Variants in FBXO45 observed in about 807,000 individuals in gnomAD.
FBXO45 encodes the protein F-box/SPRY domain-containing protein 1.
FBXO45 carries 3 observed loss-of-function variants against 25.5 expected under a neutral mutation model. The ratio of observed to expected loss-of-function variants is 0.12; its 90% CI spans 0.05 to 0.30. The LOEUF (loss-of-function observed/expected upper bound fraction) is 0.30, where lower values mean the gene tolerates loss of function less well. FBXO45 is among the 10% of genes least tolerant of loss of function. The probability of loss-of-function intolerance (pLI) is 1.00; values close to 1 mark genes in which losing one functional copy is unlikely to be tolerated. For missense variants in FBXO45, 219 were observed against 365.0 expected (o/e 0.60, Z 3.26); for synonymous variants, 155 against 149.8 (o/e 1.03, Z -0.25).
chr3:196,580,830 A>G (rs1310817901), intron 2 of FBXO45, among the ~76,000 whole-genome samples: 1 of 101,230 alleles, frequency 9.9e-6, no homozygotes, highest in East Asian at 1.3e-3. Flanking sequence ...GGAGTGGTGC[A>G]GTGGTGCAGT....
At position 196,585,121 on chromosome 3, in the gene FBXO45, ATC is replaced by A. The variant is rs1269285956; in HGVS notation, c.*808_*809del. ...TTTTACTCTCAAAATCATAGTAAAG[ATC>A]TCTCAGTCTCCTGGCTAAAGATTGA... On this transcript the variant is annotated 3_prime_UTR_variant, in exon 3 of 3. Transcript: ENST00000311630. 1 of 152,196 alleles carries A rather than the reference ATC, an allele frequency of 6.6e-6. No individual in the cohort carries two copies. Among genetic ancestry groups the A allele is most frequent in the African/African-American group, 2.4e-5 (1 of 41,466 alleles). 9.4% of individuals were successfully genotyped at this position (152,196 alleles called of 1,614,324 possible).
chr3:196,570,670 A>G (rs1402169837), intron 1 of FBXO45, among the ~76,000 whole-genome samples: 2 of 151,448 alleles, frequency 1.3e-5, no homozygotes, highest in African/African-American at 4.8e-5. Flanking sequence ...GAACATTGCC[A>G]TTAAATATGT....
At chr3:196,579,811 C>T (rs62410621) in intron 2 of FBXO45, among the ~76,000 whole-genome samples, 4,113 of 152,220 alleles carry the variant, frequency 0.027, 154 homozygotes, top group African/African-American at 0.083. Flanking sequence ...TTTTGGAGCT[C>T]TGTTACTACT....
chr3:196,571,057 G>GT (rs1735818050), intron 1 of FBXO45, among the ~76,000 whole-genome samples: 1 of 152,176 alleles, frequency 6.6e-6, no homozygotes, highest in Non-Finnish European at 1.5e-5. Flanking sequence ...TACTAGGACT[G>GT]TTTGTGCGTG....
rs1304423123 is a variant in FBXO45 at position 196,589,026 on chromosome 3, T to C, written c.*4708T>C. Reference sequence around the variant, plus strand: ...TTTATTTTTTGGAATTCTGTTGTTTTGCCTTAGTTTCTTAATAAAAAGTTA... The same window carrying C: ...TTTATTTTTTGGAATTCTGTTGTTTCGCCTTAGTTTCTTAATAAAAAGTTA... On this transcript the variant is annotated 3_prime_UTR_variant, in exon 3 of 3. Coordinates refer to ENST00000311630, the MANE Select transcript of FBXO45 (RefSeq NM_001105573.2). The C allele has an allele frequency of 6.6e-6, 1 of 152,248 alleles. No individual in the cohort carries two copies. Among genetic ancestry groups the C allele is most frequent in the African/African-American group, 2.4e-5 (1 of 41,466 alleles). The allele number at this position is 152,248 out of a possible 1,614,324, so 9.4% of individuals were successfully genotyped here.
At chr3:196,574,277 A>T (rs1040701817) in intron 1 of FBXO45, among the ~76,000 whole-genome samples, 1 of 152,264 alleles carries the variant, frequency 6.6e-6, no homozygotes, top group South Asian at 2.1e-4. Context: ...GTTTCTAAAA[A>T]GTAAAGACAC....
In FBXO45 at chr3:196,577,521, C is replaced by T; in HGVS notation, c.387C>T (p.Gly129=). 6.2e-7 allele frequency: 1 copy of T among 1,613,938 alleles called. No individual in the cohort carries two copies. Among genetic ancestry groups the T allele is most frequent in the Non-Finnish European group, 8.5e-7 (1 of 1,179,858 alleles). Residue 129 remains glycine (G), a synonymous_variant, in exon 2 of 3, where the codon GGC becomes GGT. Transcript: ENST00000311630. ...GGAATGTCTACATTAAGAAGAATGG[C>T]TTTACTTTACATCGAAACCCCATTG... is the stretch of plus-strand genomic sequence containing the variant. The part of the protein sequence containing the change: ...CSRNVYIKKN[G]FTLHRNPIAQ...
intron 2 of FBXO45, among the ~76,000 whole-genome samples, chr3:196,582,031 GGT>G (rs1344307592): frequency 1.3e-5 from 2 of 152,080 alleles, no homozygotes; most frequent in African/African-American, 4.8e-5. Flanking sequence ...CAGATTTTGG[GGT>G]TCATCCTTTC....
chr3:196,588,544 G>C lies in FBXO45; in HGVS notation c.*4226G>C, dbSNP rs1736179113. 6.6e-6 allele frequency: 1 copy of C among 152,210 alleles called. No homozygotes were observed. The highest frequency in any genetic ancestry group is 6.5e-5 in the Admixed American group (1 of 15,278). 9.4% of individuals were successfully genotyped at this position (152,210 alleles called of 1,614,324 possible). A position where few individuals can be genotyped will look rare whatever the true frequency, so the allele number is the denominator to read the frequency against. On this transcript the variant is annotated 3_prime_UTR_variant, in exon 3 of 3. Transcript: ENST00000311630. This position sits in a 1 kb window ranked among gnomAD's most constrained non-coding sequence, Gnocchi z 4.2. ...CATTCCTCAGTTTCTCTAGCTGAAT[G>C]TAATCTCTCCTTGAAATTTCCCTAG... is the stretch of plus-strand genomic sequence containing the variant.
Position 196,584,442 on chromosome 3 carries a change from C to T in FBXO45, c.*124C>T. The T allele has an allele frequency of 1.2e-6, 1 of 823,334 alleles. No homozygotes were observed. The allele number at this position is 823,334 out of a possible 1,614,324, so 51.0% of individuals were successfully genotyped here. A position where few individuals can be genotyped will look rare whatever the true frequency, so the allele number is the denominator to read the frequency against. On this transcript the variant is annotated 3_prime_UTR_variant, in exon 3 of 3. Transcript: ENST00000311630. The surrounding 1 kb of genome is among the most constrained non-coding windows in gnomAD (Gnocchi z 4.3). The stretch of plus-strand genomic sequence containing the variant: ...TCCTGAAAACACATGAAGTCGTAAA[C>T]TGGAGAAGCAGCTCTACAGCAGAGA...
intron 1 of FBXO45, 111 bp from the exon 2 acceptor site, chr3:196,577,342 T>C: frequency 1.2e-6 from 1 of 806,800 alleles, no homozygotes; most frequent in Non-Finnish European, 1.9e-6. Context: ...TGTGTTATTT[T>C]AAAATATATA....
chr3:196,568,971 C>T lies in FBXO45; in HGVS notation c.-14C>T. 1.0e-6 allele frequency: 1 copy of T among 990,642 alleles called. No individual in the cohort carries two copies. Among genetic ancestry groups the T allele is most frequent in the Non-Finnish European group, 1.2e-6 (1 of 833,938 alleles). The allele number at this position is 990,642 out of a possible 1,614,324, so 61.4% of individuals were successfully genotyped here. ...GCGGCGGCAGCGGCGGCCCTAGGGC[C>T]GGCTGGTGAGGCGATGGCGGCGCCG... On this transcript the variant is annotated 5_prime_UTR_variant, in exon 1 of 3. Coordinates refer to ENST00000311630, the MANE Select transcript of FBXO45 (RefSeq NM_001105573.2).
chr3:196,587,395 T>A lies in FBXO45; in HGVS notation c.*3077T>A, dbSNP rs1736156170. 1 of 152,122 alleles carries A rather than the reference T, an allele frequency of 6.6e-6. No homozygotes were observed. The highest frequency in any genetic ancestry group is 2.1e-4 in the South Asian group (1 of 4,828). The allele number at this position is 152,122 out of a possible 1,614,324, so 9.4% of individuals were successfully genotyped here. On this transcript the variant is annotated 3_prime_UTR_variant, in exon 3 of 3. Coordinates refer to ENST00000311630, the MANE Select transcript of FBXO45 (RefSeq NM_001105573.2). ...ATTCACATAAAGTGTAGATATGGAT[T>A]CAATAAGACACCAAAAGAAAGTAAG... is the stretch of plus-strand genomic sequence containing the variant.
At position 196,587,209 on chromosome 3, in the gene FBXO45, T is replaced by C. The variant is rs1055840657; in HGVS notation, c.*2891T>C. 2.0e-5 allele frequency: 3 copies of C among 152,244 alleles called. No individual in the cohort carries two copies. The highest frequency in any genetic ancestry group is 7.2e-5 in the African/African-American group (3 of 41,468). 9.4% of individuals were successfully genotyped at this position (152,244 alleles called of 1,614,324 possible). On this transcript the variant is annotated 3_prime_UTR_variant, in exon 3 of 3. Transcript: ENST00000311630. ...GCTGTTTTAATTACCTGGTTTTACA[T>C]AGGAAAGAAGAAATATTAAGGCTTA...
rs530688635 is a variant in FBXO45, at chr3:196,585,789, C to T, written c.*1471C>T. ...TTAGATACATAAGAATTGACAAAAGCGAGCGAAATCTTTGTACTTCTGAGT... is the reference window on the plus strand; with the variant it reads ...TTAGATACATAAGAATTGACAAAAGTGAGCGAAATCTTTGTACTTCTGAGT... On this transcript the variant is annotated 3_prime_UTR_variant, in exon 3 of 3. Coordinates refer to ENST00000311630, the MANE Select transcript of FBXO45 (RefSeq NM_001105573.2). 6 of 152,264 alleles carry T rather than the reference C, an allele frequency of 3.9e-5. No individual in the cohort carries two copies. Among genetic ancestry groups the T allele is most frequent in the African/African-American group, 4.8e-5 (2 of 41,532 alleles). 9.4% of individuals were successfully genotyped at this position (152,264 alleles called of 1,614,324 possible). A position where few individuals can be genotyped will look rare whatever the true frequency, so the allele number is the denominator to read the frequency against.
Position 196,568,825 on chromosome 3 carries a change from C to G in FBXO45, c.-160C>G. On this transcript the variant is annotated 5_prime_UTR_variant, in exon 1 of 3. Transcript: ENST00000311630. The stretch of plus-strand genomic sequence containing the variant: ...TCAGTGAGGCGGGGCGCGCGGCGGA[C>G]GCCCCCGGGCAGGGGCGGGAGTGGT... The G allele has an allele frequency of 2.9e-6, 1 of 342,226 alleles. No individual in the cohort carries two copies. Among genetic ancestry groups the G allele is most frequent in the Non-Finnish European group, 4.1e-6 (1 of 241,938 alleles). The allele number at this position is 342,226 out of a possible 1,614,324, so 21.2% of individuals were successfully genotyped here.
chr3:196,583,803 G>A (rs1736058555), intron 2 of FBXO45, among the ~76,000 whole-genome samples: 2 of 151,994 alleles, frequency 1.3e-5, no homozygotes, highest in African/African-American at 4.8e-5. Flanking sequence ...TACCAGCTTT[G>A]CGCCACCACA....
chr3:196,577,097 G>T (rs1035955169), intron 1 of FBXO45, among the ~76,000 whole-genome samples: 1 of 152,018 alleles, frequency 6.6e-6, no homozygotes. Flanking sequence ...CTCCATCTCT[G>T]GATATTTCAA....
In FBXO45 at chr3:196,569,060, GCGGGCT is replaced by G. The variant is rs746359803; in HGVS notation, c.84_89del (p.Ser30_Gly31del). 4.2e-6 allele frequency: 5 copies of G among 1,185,302 alleles called. No homozygotes were observed. The South Asian group carries it at 9.7e-5, about 23-fold the overall frequency. 73.4% of individuals were successfully genotyped at this position (1,185,302 alleles called of 1,614,324 possible). ...TAGCGGCGGCGGCGCGGGCGCGGGC[GCGGGCT>G]CGGGCTCTGGGGCCGCGGGGGCCGG... On this transcript the variant is annotated inframe_deletion, in exon 1 of 3. Transcript: ENST00000311630. This position sits in a 1 kb window ranked among gnomAD's most constrained non-coding sequence, Gnocchi z 4.1.
Sources: gnomAD v4.1 joint callset for allele counts (sites outside exome capture counted in the v4.1 genomes callset) on GRCh38, gnomAD v4.1.1 for gene constraint, Gnocchi (gnomAD v3.1) non-coding constraint, MANE v1.5 for transcripts, NCBI Gene and HGNC (gene_info 2026-07-23, HGNC 2026-07-21) for gene names.